Variants in NTM observed in about 807,000 individuals in gnomAD.
NTM encodes neurotrimin.
NTM carries 13 observed loss-of-function variants against 42.1 expected under a neutral mutation model. The ratio of observed to expected loss-of-function variants is 0.31; its 90% CI spans 0.20 to 0.49. NTM has a LOEUF of 0.49. NTM is among the 20% of genes least tolerant of loss of function. The pLI is 0.99. For synonymous variants in NTM, 187 were observed against 179.2 expected (o/e 1.04, Z -0.35); for missense variants, 373 against 452.8 (o/e 0.82, Z 1.60).
At chr11:131,630,072 GT>G (rs2063497064) in intron 1 of NTM, among the ~76,000 whole-genome samples, 1 of 152,116 alleles carries the variant, frequency 6.6e-6, no homozygotes, top group African/African-American at 2.4e-5. Flanking sequence ...TAAGCCAACT[GT>G]TTTAGGAAAA....
At chr11:131,491,788 G>A (rs975521049) in intron 1 of NTM, among the ~76,000 whole-genome samples, 3 of 152,196 alleles carry the variant, frequency 2.0e-5, no homozygotes, top group African/African-American at 7.2e-5. Flanking sequence ...ACCTTCTTCA[G>A]TGGCTTCAGA....
chr11:131,958,599 C>T (rs2061802351), intron 2 of NTM, among the ~76,000 whole-genome samples: 1 of 152,116 alleles, frequency 6.6e-6, no homozygotes, highest in Non-Finnish European at 1.5e-5. Flanking sequence ...AATTTGTTTT[C>T]TGTATTTGAA....
chr11:131,649,321 C>T (rs1345144966), intron 1 of NTM, among the ~76,000 whole-genome samples: 3 of 152,156 alleles, frequency 2.0e-5, no homozygotes, highest in Non-Finnish European at 2.9e-5. Context: ...GAAAGGGCAC[C>T]ATGGTGCGTC....
intron 2 of NTM, among the ~76,000 whole-genome samples, chr11:132,110,235 T>A (rs2062983784): frequency 6.6e-6 from 1 of 152,242 alleles, no homozygotes; most frequent in African/African-American, 2.4e-5. Context: ...GGTGCAGATT[T>A]GATGCTCAAA....
chr11:131,416,092 T>C (rs1303315401), intron 1 of NTM, among the ~76,000 whole-genome samples: 2 of 152,190 alleles, frequency 1.3e-5, no homozygotes, highest in East Asian at 3.8e-4. Context: ...CAAAAATAAT[T>C]TGCTTTTTTA....
At chr11:131,831,873 T>A (rs1279671117) in intron 1 of NTM, among the ~76,000 whole-genome samples, 3 of 150,768 alleles carry the variant, frequency 2.0e-5, no homozygotes, top group Non-Finnish European at 4.4e-5. Context: ...CATAAAAGCA[T>A]AAAAGGTCCC....
intron 1 of NTM, among the ~76,000 whole-genome samples, chr11:131,433,445 C>A (rs1184254384): frequency 6.6e-6 from 1 of 152,166 alleles, no homozygotes; most frequent in Non-Finnish European, 1.5e-5. Flanking sequence ...ATTTTGGAAT[C>A]CCTGCCTCCA....
intron 2 of NTM, among the ~76,000 whole-genome samples, chr11:132,086,440 C>T (rs1406627058): frequency 3.9e-5 from 6 of 152,064 alleles, no homozygotes; most frequent in Non-Finnish European, 5.9e-5. Flanking sequence ...AACATAAAGG[C>T]CTTTTAAATA....
intron 2 of NTM, among the ~76,000 whole-genome samples, chr11:131,919,012 C>G (rs1483702739): frequency 6.6e-6 from 1 of 152,056 alleles, no homozygotes; most frequent in Non-Finnish European, 1.5e-5. Context: ...AGTATTGAAC[C>G]AGTCAAGGCA....
At chr11:132,058,720 T>C (rs1266641986) in intron 2 of NTM, among the ~76,000 whole-genome samples, 1 of 152,196 alleles carries the variant, frequency 6.6e-6, no homozygotes, top group Non-Finnish European at 1.5e-5. Context: ...AACAGGAAGT[T>C]GCCTTCTTCG....
intron 1 of NTM, among the ~76,000 whole-genome samples, chr11:131,799,390 G>C (rs2091912481): frequency 6.6e-6 from 1 of 152,156 alleles, no homozygotes; most frequent in African/African-American, 2.4e-5. Flanking sequence ...TTCACTCATT[G>C]AATCAAGAAG....
chr11:132,213,119 G>A (rs1040108843), intron 4 of NTM, among the ~76,000 whole-genome samples: 1 of 152,168 alleles, frequency 6.6e-6, no homozygotes, highest in South Asian at 2.1e-4. Flanking sequence ...GTTGCTTATT[G>A]CTGATTAATG....
intron 1 of NTM, among the ~76,000 whole-genome samples, chr11:131,818,042 C>T (rs2093023750): frequency 6.6e-6 from 1 of 152,158 alleles, no homozygotes; most frequent in African/African-American, 2.4e-5. Context: ...GTTGACAGTA[C>T]ACACTTGACA....
At chr11:131,389,024 A>G (rs28651917) in intron 1 of NTM, among the ~76,000 whole-genome samples, 2 of 89,906 alleles carry the variant, frequency 2.2e-5, no homozygotes, top group African/African-American at 4.6e-5. Context: ...AAAAAAAAAA[A>G]AAAAGAAAAG....
rs141764349 is a variant in NTM, at chr11:132,060,313, G to A, written c.168-85969G>A. 1.1e-3 allele frequency among the ~76,000 whole-genome samples: 172 copies of A among 152,286 alleles called. 1 individual carries two copies. The highest frequency in any genetic ancestry group is 3.7e-3 in the African/African-American group (155 of 41,566). On this transcript the variant is annotated intron_variant, in intron 2 of 8. Coordinates refer to ENST00000683400, the MANE Select transcript of NTM (RefSeq NM_001352005.2). Reference sequence around the variant, plus strand: ...AAATTGTGTAGGCAAGGGGTGCTCCGTTTACCTGGTGCATTCGAGGCTGAA... The same window carrying A: ...AAATTGTGTAGGCAAGGGGTGCTCCATTTACCTGGTGCATTCGAGGCTGAA...
chr11:132,287,067 C>A (rs902304249), intron 4 of NTM, among the ~76,000 whole-genome samples: 5 of 152,170 alleles, frequency 3.3e-5, no homozygotes, highest in Admixed American at 6.5e-5. Context: ...ATTTTCTAGA[C>A]CATTTGAGAC....
chr11:131,921,596 TA>T (rs549790996), intron 2 of NTM, among the ~76,000 whole-genome samples: 2,087 of 152,242 alleles, frequency 0.014, 28 homozygotes, highest in Non-Finnish European at 0.017. Flanking sequence ...ATTTGCATAT[TA>T]AAAAAATAAT....
chr11:131,932,327 G>T (rs2058718358), intron 2 of NTM, among the ~76,000 whole-genome samples: 1 of 152,182 alleles, frequency 6.6e-6, no homozygotes, highest in Non-Finnish European at 1.5e-5. Context: ...TCTAGAACAA[G>T]AATAATCCCT....
chr11:132,132,172 TC>T (rs1376645116), intron 2 of NTM, among the ~76,000 whole-genome samples: 1 of 151,586 alleles, frequency 6.6e-6, no homozygotes, highest in Non-Finnish European at 1.5e-5. Flanking sequence ...CCCCATCTGC[TC>T]CCCCAATCCC....
Sources: gnomAD v4.1 joint callset for allele counts (sites outside exome capture counted in the v4.1 genomes callset) on GRCh38, gnomAD v4.1.1 for gene constraint, MANE v1.5 for transcripts, NCBI Gene and HGNC (gene_info 2026-07-23, HGNC 2026-07-21) for gene names.